RASGRF2: variants seen among roughly 807,000 people sequenced by gnomAD.
RASGRF2 encodes Ras protein specific guanine nucleotide releasing factor 2.
Under a neutral mutation model 151.0 loss-of-function variants are expected in RASGRF2, and 76 were observed. The ratio of observed to expected loss-of-function variants is 0.50; its 90% CI spans 0.42 to 0.61. The LOEUF (loss-of-function observed/expected upper bound fraction) is 0.61, where lower values mean the gene tolerates loss of function less well. Among genes scored for constraint, RASGRF2 ranks in the 20% least tolerant of loss-of-function variants. The probability of loss-of-function intolerance (pLI) is 0.00; values close to 1 mark genes in which losing one functional copy is unlikely to be tolerated. For missense variants in RASGRF2, 1,148 were observed against 1,564.6 expected (o/e 0.73, Z 4.49); for synonymous variants, 504 against 566.5 (o/e 0.89, Z 1.57).
intron 2 of RASGRF2, among the ~76,000 whole-genome samples, chr5:81,052,599 C>T (rs2112416253): frequency 6.6e-6 from 1 of 152,210 alleles, no homozygotes; most frequent in South Asian, 2.1e-4. Flanking sequence ...GTGGAGGTGA[C>T]AGTGTTAGGA....
rs562324426 is a variant in RASGRF2, at chr5:81,229,638, C to A, written c.*3868C>A. On this transcript the variant is annotated 3_prime_UTR_variant, in exon 27 of 27. Transcript: ENST00000265080. ...GATCTGCTCAAGGAAAATAATAGTTCTATTATACTTAATGATGTTGGTTTT... is the reference window on the plus strand; with the variant it reads ...GATCTGCTCAAGGAAAATAATAGTTATATTATACTTAATGATGTTGGTTTT... 6.6e-6 allele frequency: 1 copy of A among 152,302 alleles called. No individual in the cohort carries two copies. The highest frequency in any genetic ancestry group is 2.4e-5 in the African/African-American group (1 of 41,566). 9.4% of individuals were successfully genotyped at this position (152,302 alleles called of 1,614,324 possible).
chr5:81,024,496 G>T (rs549343415), intron 1 of RASGRF2, among the ~76,000 whole-genome samples: 35 of 152,068 alleles, frequency 2.3e-4, no homozygotes, highest in Middle Eastern at 6.8e-3. Context: ...CTGACCTCAG[G>T]TGACCCACCC....
intron 1 of RASGRF2, among the ~76,000 whole-genome samples, chr5:80,993,961 C>T (rs1382959654): frequency 6.6e-6 from 1 of 152,022 alleles, no homozygotes; most frequent in Non-Finnish European, 1.5e-5. Flanking sequence ...TGGAAGACCC[C>T]TAGCACTTTC....
rs752430454 is a variant in RASGRF2 at position 81,080,109 on chromosome 5, C to CT, written c.888-5dup. On this transcript the variant is annotated splice_polypyrimidine_tract_variant and intron_variant, in intron 5 of 26. Transcript: ENST00000265080. ...TAGCAACTAAATTATATTATTTTTC[C>CT]TTTTTTTATAGTGAAACAATCATGT... is the stretch of plus-strand genomic sequence containing the variant. The CT allele has an allele frequency of 7.9e-5, 125 of 1,591,602 alleles. No homozygotes were observed. Among genetic ancestry groups the CT allele is most frequent in the Middle Eastern group, 3.5e-4 (2 of 5,654 alleles).
intron 19 of RASGRF2, among the ~76,000 whole-genome samples, chr5:81,205,951 G>T (rs372280391): frequency 6.6e-6 from 1 of 152,018 alleles, no homozygotes; most frequent in Non-Finnish European, 1.5e-5. Context: ...GGGTTTCACC[G>T]TGTTAGCCAG....
In RASGRF2 at chr5:80,960,972, G is replaced by T. The variant is rs377116128; in HGVS notation, c.234G>T (p.Ala78=). The change falls in exon 1 of 27, where the codon GCG becomes GCT. Residue 78 remains alanine, a synonymous_variant. Coordinates refer to ENST00000265080, the MANE Select transcript of RASGRF2 (RefSeq NM_006909.3). The surrounding 1 kb of genome is among the most constrained non-coding windows in gnomAD (Gnocchi z 5.5). The stretch of plus-strand genomic sequence containing the variant: ...GCTGCAGCTGCGAACGAACGCCCGC[G>T]CCACCCAGGGCCGGCGCCGGGCAGG... ...LEGCSCERTP[A]PPRAGAGQGG... is the part of the protein sequence containing the mutation. 180 of 1,554,052 alleles carry T rather than the reference G, an allele frequency of 1.2e-4. No individual in the cohort carries two copies. Among genetic ancestry groups the T allele is most frequent in the Non-Finnish European group, 1.5e-4 (175 of 1,141,526 alleles).
intron 1 of RASGRF2, among the ~76,000 whole-genome samples, chr5:80,980,052 G>A (rs1748248480): frequency 1.3e-5 from 2 of 151,974 alleles, no homozygotes; most frequent in African/African-American, 4.8e-5. Flanking sequence ...TCTTCCATTT[G>A]GCTTAGAGAA....
intron 12 of RASGRF2, among the ~76,000 whole-genome samples, chr5:81,099,736 A>G (rs920350207): frequency 8.5e-5 from 13 of 152,314 alleles, no homozygotes; most frequent in African/African-American, 2.6e-4. Flanking sequence ...TTCTGTAATT[A>G]TCAATGAGAT....
chr5:81,198,093 A>C (rs1356496985), intron 18 of RASGRF2, among the ~76,000 whole-genome samples: 1 of 151,908 alleles, frequency 6.6e-6, no homozygotes, highest in Non-Finnish European at 1.5e-5. Flanking sequence ...CTCTCTCCCC[A>C]GACTCCCTCC....
chr5:81,206,226 G>A (rs893109381), intron 19 of RASGRF2, among the ~76,000 whole-genome samples: 1 of 146,808 alleles, frequency 6.8e-6, no homozygotes, highest in African/African-American at 2.6e-5. Context: ...TTTTTTAAAA[G>A]ATATTTATTG....
At chr5:81,195,474 A>G (rs987280565) in intron 18 of RASGRF2, among the ~76,000 whole-genome samples, 2 of 152,180 alleles carry the variant, frequency 1.3e-5, no homozygotes, top group African/African-American at 2.4e-5. Context: ...TGAATGACCA[A>G]TTCTGTATTT....
chr5:81,121,667 C>G (rs1016325492), intron 15 of RASGRF2, among the ~76,000 whole-genome samples: 4 of 152,242 alleles, frequency 2.6e-5, no homozygotes, highest in Non-Finnish European at 4.4e-5. Flanking sequence ...CTAATACCCT[C>G]TCTTCTCATT....
At chr5:81,051,087 T>TC (rs1376696032) in intron 2 of RASGRF2, among the ~76,000 whole-genome samples, 1 of 152,224 alleles carries the variant, frequency 6.6e-6, no homozygotes, top group African/African-American at 2.4e-5. Context: ...AATTATCATC[T>TC]CATGTCCTTT....
At chr5:80,969,821 T>C (rs1747869778) in intron 1 of RASGRF2, among the ~76,000 whole-genome samples, 1 of 88,598 alleles carries the variant, frequency 1.1e-5, no homozygotes, top group Non-Finnish European at 2.9e-5. Flanking sequence ...TCTTCTTTTT[T>C]TTTTTTTTTT....
intron 2 of RASGRF2, among the ~76,000 whole-genome samples, chr5:81,055,177 C>G (rs139254225): frequency 0.019 from 2,841 of 152,212 alleles, 51 homozygotes; most frequent in Middle Eastern, 0.058. Flanking sequence ...AATAGGAGTG[C>G]TGAGAGAGGG....
At chr5:81,206,740 A>G (rs1436009680) in intron 19 of RASGRF2, 105 bp from the exon 20 acceptor site, 1 of 937,434 alleles carries the variant, frequency 1.1e-6, no homozygotes, top group African/African-American at 1.6e-5. Context: ...TTGTAGACCC[A>G]AATCCTCAGA....
chr5:81,000,190 C>A (rs73125068), intron 1 of RASGRF2, among the ~76,000 whole-genome samples: 7 of 152,210 alleles, frequency 4.6e-5, no homozygotes, highest in Non-Finnish European at 8.8e-5. Flanking sequence ...AAGCAGCCCA[C>A]CTGCCCTGCA....
chr5:80,983,038 G>A (rs1748361584), intron 1 of RASGRF2, among the ~76,000 whole-genome samples: 2 of 152,122 alleles, frequency 1.3e-5, no homozygotes, highest in South Asian at 2.1e-4. Context: ...TGTATGCTTC[G>A]GTACCACTTT....
At chr5:81,048,647 G>A (rs1269309525) in intron 2 of RASGRF2, among the ~76,000 whole-genome samples, 3 of 152,114 alleles carry the variant, frequency 2.0e-5, no homozygotes, top group Non-Finnish European at 4.4e-5. Context: ...GTCCTCATGC[G>A]CACACCATCT....
Sources: gnomAD v4.1 joint callset for allele counts (sites outside exome capture counted in the v4.1 genomes callset) on GRCh38, gnomAD v4.1.1 for gene constraint, Gnocchi (gnomAD v3.1) non-coding constraint, MANE v1.5 for transcripts, NCBI Gene and HGNC (gene_info 2026-07-23, HGNC 2026-07-21) for gene names.